HABP4: variants seen among roughly 807,000 people sequenced by gnomAD.
HABP4 encodes hyaluronan binding protein 4.
A neutral mutation model predicts 44.1 loss-of-function variants in HABP4; 32 were observed. The ratio of observed to expected loss-of-function variants is 0.73; its 90% CI spans 0.55 to 0.97. HABP4 has a LOEUF of 0.97. HABP4 is among the 50% of genes least tolerant of loss of function. HABP4 has a pLI of 0.00. For missense variants in HABP4, 503 were observed against 561.9 expected, an observed-to-expected ratio of 0.90 and a Z score of 1.06; for synonymous variants, 216 against 218.0, an observed-to-expected ratio of 0.99 and a Z score of 0.08.
chr9:96,471,710 C>T (rs890491249), intron 5 of HABP4, among the ~76,000 whole-genome samples: 5 of 152,128 alleles, frequency 3.3e-5, no homozygotes, highest in African/African-American at 1.2e-4. Context: ...CCCCTCTGTG[C>T]TCTCCCAGTC....
At chr9:96,467,409 T>G (rs960268254) in intron 4 of HABP4, among the ~76,000 whole-genome samples, 1 of 152,134 alleles carries the variant, frequency 6.6e-6, no homozygotes, top group African/African-American at 2.4e-5. Flanking sequence ...TGATGACAGA[T>G]CTTTTAATTT....
intron 4 of HABP4, among the ~76,000 whole-genome samples, chr9:96,467,627 G>A (rs1832625748): frequency 6.7e-6 from 1 of 149,870 alleles, no homozygotes; most frequent in Non-Finnish European, 1.5e-5. Flanking sequence ...CCAGGTTCAA[G>A]CAATTCTCTT....
At chr9:96,454,931 A>G (rs1832348359) in intron 1 of HABP4, among the ~76,000 whole-genome samples, 1 of 151,590 alleles carries the variant, frequency 6.6e-6, no homozygotes, top group Non-Finnish European at 1.5e-5. Flanking sequence ...CTGGGCAACA[A>G]AATGAGACCT....
Position 96,488,116 on chromosome 9 carries a change from TC to T in HABP4, c.1030del (p.His344MetfsTer52). ...DMVKDDYEDDSHVFRKPANDI... is the reference protein window; with the variant it reads ...DMVKDDYEDDXHVFRKPANDI... ...GGTAAAAGATGACTATGAGGACGAT[TC>T]CCATGTTTTCCGGAAACCCGCCAAT... On this transcript the variant is annotated frameshift_variant, in exon 7 of 8. Transcript: ENST00000375249. LOFTEE classifies it high-confidence loss of function. The surrounding 1 kb of genome is among the most constrained non-coding windows in gnomAD (Gnocchi z 4.6). 2 of 1,613,230 alleles carry T rather than the reference TC, an allele frequency of 1.2e-6. No individual in the cohort carries two copies. The highest frequency in any genetic ancestry group is 1.7e-6 in the Non-Finnish European group (2 of 1,179,220).
intron 1 of HABP4, among the ~76,000 whole-genome samples, chr9:96,451,164 C>T (rs1341183512): frequency 1.3e-5 from 2 of 152,242 alleles, no homozygotes; most frequent in African/African-American, 4.8e-5. Context: ...GGCCTGGCGC[C>T]TTCGCCCCTT....
intron 1 of HABP4, among the ~76,000 whole-genome samples, chr9:96,452,518 C>CT (rs963040914): frequency 6.6e-6 from 1 of 151,524 alleles, no homozygotes; most frequent in African/African-American, 2.4e-5. Flanking sequence ...ACACTCGTAA[C>CT]TTTTTTTTTC....
intron 1 of HABP4, among the ~76,000 whole-genome samples, chr9:96,457,984 A>G (rs1471294991): frequency 6.6e-6 from 1 of 152,240 alleles, no homozygotes; most frequent in Non-Finnish European, 1.5e-5. Context: ...TTCTAAAAGT[A>G]CAGTCTGAAA....
At chr9:96,453,706 T>C (rs1336807566) in intron 1 of HABP4, among the ~76,000 whole-genome samples, 1 of 152,248 alleles carries the variant, frequency 6.6e-6, no homozygotes, top group Admixed American at 6.5e-5. Context: ...TAAATTTTAT[T>C]GTATTCTGTT....
intron 5 of HABP4, among the ~76,000 whole-genome samples, chr9:96,471,768 C>A (rs1474575641): frequency 6.6e-6 from 1 of 151,972 alleles, no homozygotes; most frequent in Non-Finnish European, 1.5e-5. Flanking sequence ...GGCTCCGTCT[C>A]CAGCACCCTT....
intron 6 of HABP4, among the ~76,000 whole-genome samples, chr9:96,486,264 C>G (rs779973574): frequency 2.1e-4 from 32 of 152,124 alleles, no homozygotes; most frequent in Non-Finnish European, 3.2e-4. Flanking sequence ...CTGTAGGAGG[C>G]CTTACTGAGT....
chr9:96,472,569 C>T (rs1052634898), intron 5 of HABP4, among the ~76,000 whole-genome samples: 2 of 152,182 alleles, frequency 1.3e-5, no homozygotes, highest in African/African-American at 4.8e-5. Flanking sequence ...CCATCCCCCC[C>T]GACCTCTTCA....
At chr9:96,454,830 C>G (rs1832346648) in intron 1 of HABP4, among the ~76,000 whole-genome samples, 3 of 151,982 alleles carry the variant, frequency 2.0e-5, no homozygotes, top group Admixed American at 2.0e-4. Flanking sequence ...GTGTCAGTCA[C>G]AGTGGGGGCT....
rs967604565 is a variant in HABP4 at position 96,475,514 on chromosome 9, G to A, written c.827+4420G>A. 2.0e-5 allele frequency among the ~76,000 whole-genome samples: 3 copies of A among 152,180 alleles called. No homozygotes were observed. The East Asian group carries it at 5.8e-4, about 29-fold the overall frequency. On this transcript the variant is annotated intron_variant, in intron 5 of 7. Transcript: ENST00000375249. ...TTCTTTGCCACTCCATGAAGGAGGAGCTACTGCTATTCTCACACTGGGACA... is the reference window on the plus strand; with the variant it reads ...TTCTTTGCCACTCCATGAAGGAGGAACTACTGCTATTCTCACACTGGGACA...
At position 96,456,819 on chromosome 9, in the gene HABP4, A is replaced by ATATC. The variant is rs1554724399; in HGVS notation, c.350-1559_350-1556dup. 9.7e-5 allele frequency among the ~76,000 whole-genome samples: 12 copies of ATATC among 123,568 alleles called. No individual in the cohort carries two copies. In the East Asian group the frequency reaches 2.7e-3, roughly 27 times the overall value. 81.1% of individuals were successfully genotyped at this position (123,568 alleles called of 152,430 possible). A position where few individuals can be genotyped will look rare whatever the true frequency, so the allele number is the denominator to read the frequency against. ...TATATATATATATATATATATATAT[A>ATATC]TATCCATTAACTTGAATAAATGTCA... On this transcript the variant is annotated intron_variant, in intron 1 of 7. Transcript: ENST00000375249.
At chr9:96,452,911 GTTTTTT>G (rs71368266) in intron 1 of HABP4, among the ~76,000 whole-genome samples, 1 of 63,146 alleles carries the variant, frequency 1.6e-5, no homozygotes, top group African/African-American at 8.2e-5. Flanking sequence ...ATGGAAAAGG[GTTTTTT>G]TTTTTTTTTT....
rs1048789520 is a variant in HABP4 at position 96,450,558 on chromosome 9, G to A, written c.279G>A (p.Lys93=). 3.5e-5 allele frequency: 44 copies of A among 1,268,962 alleles called. No individual in the cohort carries two copies. The African/African-American group carries it at 6.2e-4, about 18-fold the overall frequency. The allele number at this position is 1,268,962 out of a possible 1,614,324, so 78.6% of individuals were successfully genotyped here. ...AGAGGRRESQ[K]ERKSLPAPVA... is the part of the protein sequence containing the mutation. ...CGGGCGGCCGGAGGGAGTCGCAGAA[G>A]GAGCGCAAGAGCCTCCCGGCGCCCG... The change falls in exon 1 of 8, where the codon AAG becomes AAA. Residue 93 remains lysine, a synonymous_variant. Transcript: ENST00000375249. The surrounding 1 kb of genome is among the most constrained non-coding windows in gnomAD (Gnocchi z 4.8).
At chr9:96,485,488 C>T (rs962681747) in intron 6 of HABP4, among the ~76,000 whole-genome samples, 3 of 152,206 alleles carry the variant, frequency 2.0e-5, no homozygotes, top group Non-Finnish European at 4.4e-5. Flanking sequence ...CTTGGCTGCT[C>T]GGTCAGGCAC....
At chr9:96,451,958 T>G (rs1587766170) in intron 1 of HABP4, among the ~76,000 whole-genome samples, 2 of 152,324 alleles carry the variant, frequency 1.3e-5, no homozygotes, top group East Asian at 3.9e-4. Flanking sequence ...CCGGGTGTGG[T>G]GGCTCACGCC....
intron 7 of HABP4, among the ~76,000 whole-genome samples, 172 bp from the exon 8 acceptor site, chr9:96,489,810 G>A (rs1833054250): frequency 6.6e-6 from 1 of 152,220 alleles, no homozygotes; most frequent in Non-Finnish European, 1.5e-5. Context: ...GTGTGGGAGG[G>A]GGAGCTGTAC....
Sources: allele counts gnomAD v4.1 joint callset (sites outside exome capture counted in the v4.1 genomes callset), GRCh38; gene constraint gnomAD v4.1.1; non-coding constraint Gnocchi (gnomAD v3.1); transcripts MANE v1.5; gene names NCBI Gene and HGNC (gene_info 2026-07-23, HGNC 2026-07-21).